Variants in PLXNA4 observed in about 807,000 individuals in gnomAD.
PLXNA4 encodes the protein plexin A4, also known as plexin-A4.
Under a neutral mutation model 191.8 loss-of-function variants are expected in PLXNA4, and 44 were observed. That is an observed-to-expected ratio of 0.23 (90% CI 0.18 to 0.29). The LOEUF is 0.29. Ranked by LOEUF, PLXNA4 falls within the 10% of genes least tolerant of loss-of-function variation. PLXNA4 has a pLI of 1.00. For synonymous variants in PLXNA4, 1,082 were observed against 1,009.5 expected, an observed-to-expected ratio of 1.07 and a Z score of -1.36; for missense variants, 1,800 against 2,488.8, an observed-to-expected ratio of 0.72 and a Z score of 5.89.
At chr7:132,511,426 A>G (rs549942731) in intron 1 of PLXNA4, among the ~76,000 whole-genome samples, 2 of 152,350 alleles carry the variant, frequency 1.3e-5, no homozygotes, top group African/African-American at 4.8e-5. Flanking sequence ...CCCAGAAGAT[A>G]GAGCACTTAG....
chr7:132,148,433 T>C, intron 26 of PLXNA4, 110 bp downstream of exon 26: 1 of 1,465,048 alleles, frequency 6.8e-7, no homozygotes, highest in South Asian at 1.3e-5. Flanking sequence ...TAAGGGAACA[T>C]GGAGTGCTGG....
In PLXNA4 at chr7:132,156,174, A is replaced by G. The variant is rs1401131106; in HGVS notation, c.4660+3299T>C. Among the ~76,000 whole-genome samples the G allele has an allele frequency of 3.3e-5, 5 of 150,862 alleles. 1 individual carries two copies. The highest frequency in any genetic ancestry group is 1.2e-4 in the African/African-American group (5 of 40,724). On this transcript the variant is annotated intron_variant, in intron 25 of 31. Transcript: ENST00000321063. Reference sequence around the variant, plus strand: ...CACACACACACACACACACACACACACACACACAGACGCACACACGCACAC... The same window carrying G: ...CACACACACACACACACACACACACGCACACACAGACGCACACACGCACAC...
upstream of PLXNA4, among the ~76,000 whole-genome samples, chr7:132,579,436 T>A: frequency 6.6e-6 from 1 of 150,726 alleles, no homozygotes; most frequent in Non-Finnish European, 1.5e-5. Context: ...TGTGTGTGTG[T>A]GCGTGTGTGT....
chr7:132,481,323 C>T (rs1797325737), intron 3 of PLXNA4, among the ~76,000 whole-genome samples: 1 of 151,920 alleles, frequency 6.6e-6, no homozygotes, highest in Non-Finnish European at 1.5e-5. Context: ...TACCAGAGGT[C>T]CAGCCACCAC....
At chr7:132,133,014 C>G in intron 31 of PLXNA4, 35 bp downstream of exon 31, 2 of 1,600,848 alleles carry the variant, frequency 1.2e-6, no homozygotes, top group Non-Finnish European at 8.5e-7. Context: ...CTTCCCCCTT[C>G]CATCCCAATG....
intron 3 of PLXNA4, among the ~76,000 whole-genome samples, chr7:132,389,091 C>T (rs1380019279): frequency 2.0e-5 from 3 of 152,136 alleles, no homozygotes; most frequent in Non-Finnish European, 4.4e-5. Context: ...CTGTTCATAT[C>T]CTTTGCCCAC....
At chr7:132,570,276 C>T (rs981522648) in intron 1 of PLXNA4, among the ~76,000 whole-genome samples, 12 of 152,248 alleles carry the variant, frequency 7.9e-5, no homozygotes, top group African/African-American at 1.4e-4. Flanking sequence ...AGGAAGAAAA[C>T]GAACTCCAAC....
intron 2 of PLXNA4, among the ~76,000 whole-genome samples, chr7:132,583,136 A>C (rs760460177): frequency 2.0e-5 from 3 of 152,182 alleles, no homozygotes; most frequent in Non-Finnish European, 4.4e-5. Flanking sequence ...GAGAGGCAGA[A>C]AGTTGTGCCG....
chr7:132,189,014 G>C (rs962718010), intron 14 of PLXNA4, among the ~76,000 whole-genome samples: 1 of 83,004 alleles, frequency 1.2e-5, no homozygotes, highest in Non-Finnish European at 2.6e-5. Context: ...GAGAGAGAGA[G>C]AGAGAGAGAG....
intron 3 of PLXNA4, among the ~76,000 whole-genome samples, chr7:132,481,029 G>C (rs542602286): frequency 2.6e-5 from 4 of 152,248 alleles, no homozygotes; most frequent in Admixed American, 2.6e-4. Flanking sequence ...TACAGGCAAG[G>C]GGCTGCAGAA....
intron 3 of PLXNA4, among the ~76,000 whole-genome samples, chr7:132,409,960 G>C (rs923875369): frequency 3.3e-5 from 5 of 152,330 alleles, no homozygotes; most frequent in East Asian, 1.9e-4. Flanking sequence ...TTGTGCCCTT[G>C]AAGTTTAAAT....
In PLXNA4 at chr7:132,482,297, C is replaced by T. The variant is rs931266414; in HGVS notation, c.1371+6995G>A. On this transcript the variant is annotated intron_variant, in intron 3 of 31. Coordinates refer to ENST00000321063, the MANE Select transcript of PLXNA4 (RefSeq NM_020911.2). ...CTTGCACCTTGCTCAGCCTCTTTCT[C>T]GCCCCCATCTCTCAGACATCGTTCT... Among the ~76,000 whole-genome samples, 8 of 152,304 alleles carry T rather than the reference C, an allele frequency of 5.3e-5. No homozygotes were observed. The South Asian group carries it at 6.2e-4, about 12-fold the overall frequency.
intron 2 of PLXNA4, among the ~76,000 whole-genome samples, chr7:132,604,971 A>G (rs1422386288): frequency 6.6e-6 from 1 of 152,178 alleles, no homozygotes; most frequent in Non-Finnish European, 1.5e-5. Flanking sequence ...CAGTCCTAGC[A>G]GTGCACACCA....
At chr7:132,446,803 T>A (rs1472863176) in intron 3 of PLXNA4, among the ~76,000 whole-genome samples, 5 of 152,150 alleles carry the variant, frequency 3.3e-5, no homozygotes, top group Admixed American at 6.6e-5. Context: ...GCCATATAAC[T>A]AGTAAGCGGT....
intron 4 of PLXNA4, among the ~76,000 whole-genome samples, chr7:132,270,952 AT>A (rs1563003777): frequency 6.6e-6 from 1 of 152,194 alleles, no homozygotes; most frequent in East Asian, 1.9e-4. Flanking sequence ...TCTGGTTCTT[AT>A]TTTTTTCTGA....
chr7:132,371,215 T>C (rs1563062177), intron 3 of PLXNA4, among the ~76,000 whole-genome samples: 1 of 152,036 alleles, frequency 6.6e-6, no homozygotes, highest in Non-Finnish European at 1.5e-5. Flanking sequence ...TTTAAGTCCT[T>C]TGGCTCCGTG....
intron 2 of PLXNA4, among the ~76,000 whole-genome samples, chr7:132,644,206 G>C (rs933575124): frequency 6.6e-6 from 1 of 152,144 alleles, no homozygotes; most frequent in Non-Finnish European, 1.5e-5. Flanking sequence ...CCTGGCAGGT[G>C]ACTTAACCTC....
chr7:132,294,371 G>A (rs1473792829), intron 4 of PLXNA4, among the ~76,000 whole-genome samples: 1 of 152,212 alleles, frequency 6.6e-6, no homozygotes, highest in East Asian at 1.9e-4. Flanking sequence ...GGGAGAGCGG[G>A]GAGAGCGGCA....
At chr7:132,491,359 C>A (rs755017410) in intron 2 of PLXNA4, among the ~76,000 whole-genome samples, 4 of 152,190 alleles carry the variant, frequency 2.6e-5, no homozygotes, top group Non-Finnish European at 5.9e-5. Context: ...TTCACCTGGC[C>A]CCAGCAGGCT....
Sources: allele counts gnomAD v4.1 joint callset (sites outside exome capture counted in the v4.1 genomes callset), GRCh38; gene constraint gnomAD v4.1.1; transcripts MANE v1.5; gene names NCBI Gene and HGNC (gene_info 2026-07-23, HGNC 2026-07-21).